The following TENT4B variants were observed in gnomAD, a reference collection of about 807,000 sequenced individuals.
TENT4B encodes PAP associated domain containing 5.
In TENT4B, 10 loss-of-function variants were observed where a neutral mutation model predicts 75.0. The observed-to-expected ratio is 0.13, with a 90% CI of 0.08 to 0.23. TENT4B has a LOEUF of 0.23. Ranked by LOEUF, TENT4B falls within the 10% of genes least tolerant of loss-of-function variation. The probability of loss-of-function intolerance (pLI) is 1.00; values close to 1 mark genes in which losing one functional copy is unlikely to be tolerated. For synonymous variants in TENT4B, 350 were observed against 357.7 expected, an observed-to-expected ratio of 0.98 and a Z score of 0.24; for missense variants, 579 against 893.8, an observed-to-expected ratio of 0.65 and a Z score of 4.49.
At chr16:50,170,637 A>G (rs2038188760) in intron 1 of TENT4B, among the ~76,000 whole-genome samples, 1 of 151,824 alleles carries the variant, frequency 6.6e-6, no homozygotes. Context: ...TCAGTAGACA[A>G]AGCTATCTCT....
intron 1 of TENT4B, among the ~76,000 whole-genome samples, chr16:50,181,245 T>G (rs1416904492): frequency 6.6e-6 from 1 of 152,166 alleles, no homozygotes; most frequent in Non-Finnish European, 1.5e-5. Flanking sequence ...GAGGTGTGTT[T>G]GTGGATTTAA....
intron 1 of TENT4B, among the ~76,000 whole-genome samples, chr16:50,157,964 T>C (rs368366997): frequency 6.6e-6 from 1 of 151,244 alleles, no homozygotes; most frequent in East Asian, 1.9e-4. Context: ...TGGGGTCTTG[T>C]CATGTTGCCC....
chr16:50,190,209 T>C (rs1278790656), intron 1 of TENT4B, among the ~76,000 whole-genome samples: 1 of 152,062 alleles, frequency 6.6e-6, no homozygotes, highest in Non-Finnish European at 1.5e-5. Flanking sequence ...TAATACTTAG[T>C]TCTTCAGCGA....
In TENT4B at chr16:50,235,301, A is replaced by G. The variant is rs1317390838; in HGVS notation, c.*5973A>G. 1.3e-5 allele frequency: 2 copies of G among 153,266 alleles called. No individual in the cohort carries two copies. The highest frequency in any genetic ancestry group is 4.8e-5 in the African/African-American group (2 of 41,452). 9.5% of individuals were successfully genotyped at this position (153,266 alleles called of 1,614,324 possible). On this transcript the variant is annotated 3_prime_UTR_variant, in exon 12 of 12. Coordinates refer to ENST00000561678, the MANE Select transcript of TENT4B (RefSeq NM_001365324.3). The stretch of plus-strand genomic sequence containing the variant: ...CAATAAAGGCTTTGTGTTTTCATTT[A>G]TCTTCAAAACCACTGGTATGAGCCC...
chr16:50,157,585 A>T (rs2037925150), intron 1 of TENT4B, among the ~76,000 whole-genome samples: 1 of 152,014 alleles, frequency 6.6e-6, no homozygotes, highest in Admixed American at 6.6e-5. Context: ...TTTGTGTTTT[A>T]TTATTTTTAA....
At position 50,230,192 on chromosome 16, in the gene TENT4B, T is replaced by A; in HGVS notation, c.*864T>A. 1 of 985,138 alleles carries A rather than the reference T, an allele frequency of 1.0e-6. No individual in the cohort carries two copies. Among genetic ancestry groups the A allele is most frequent in the Non-Finnish European group, 1.2e-6 (1 of 829,880 alleles). The allele number at this position is 985,138 out of a possible 1,614,324, so 61.0% of individuals were successfully genotyped here. On this transcript the variant is annotated 3_prime_UTR_variant, in exon 12 of 12. Coordinates refer to ENST00000561678, the MANE Select transcript of TENT4B (RefSeq NM_001365324.3). ...TCTCTGGTCATCTCCGAGAATTAACTTGCAACTGTTTTCTATAGTGCTGTC... is the reference window on the plus strand; with the variant it reads ...TCTCTGGTCATCTCCGAGAATTAACATGCAACTGTTTTCTATAGTGCTGTC...
Position 50,232,064 on chromosome 16 carries a change from C to T in TENT4B, c.*2736C>T. On this transcript the variant is annotated 3_prime_UTR_variant, in exon 12 of 12. Coordinates refer to ENST00000561678, the MANE Select transcript of TENT4B (RefSeq NM_001365324.3). ...TTCTCAGGCAGTCATGTATGTGTACCTGGCCATTAGAAATATTAATATTTA... is the reference window on the plus strand; with the variant it reads ...TTCTCAGGCAGTCATGTATGTGTACTTGGCCATTAGAAATATTAATATTTA... The T allele has an allele frequency of 8.1e-6, 8 of 985,344 alleles. No individual in the cohort carries two copies. The highest frequency in any genetic ancestry group is 8.4e-6 in the Non-Finnish European group (7 of 829,900). 61.0% of individuals were successfully genotyped at this position (985,344 alleles called of 1,614,324 possible). A position where few individuals can be genotyped will look rare whatever the true frequency, so the allele number is the denominator to read the frequency against.
At chr16:50,202,478 G>A (rs2030711578) in intron 1 of TENT4B, among the ~76,000 whole-genome samples, 1 of 152,198 alleles carries the variant, frequency 6.6e-6, no homozygotes, top group African/African-American at 2.4e-5. Context: ...GCTAAGGAAA[G>A]ATTAAACTTT....
At chr16:50,163,824 T>A (rs2038046876) in intron 1 of TENT4B, among the ~76,000 whole-genome samples, 1 of 152,186 alleles carries the variant, frequency 6.6e-6, no homozygotes, top group Non-Finnish European at 1.5e-5. Context: ...ATTTTAATGT[T>A]TTTAAAGAGT....
chr16:50,184,524 G>C, intron 1 of TENT4B, among the ~76,000 whole-genome samples: 1 of 152,148 alleles, frequency 6.6e-6, no homozygotes, highest in East Asian at 1.9e-4. Flanking sequence ...AAAATTAGCC[G>C]GGCGTGGTGG....
intron 1 of TENT4B, among the ~76,000 whole-genome samples, chr16:50,199,652 C>T (rs574735816): frequency 1.1e-4 from 16 of 152,200 alleles, no homozygotes; most frequent in African/African-American, 2.9e-4. Context: ...GCTTCTTTTA[C>T]GTAGTAATAT....
chr16:50,154,628 T>C (rs1430372963), intron 1 of TENT4B, among the ~76,000 whole-genome samples: 2 of 151,686 alleles, frequency 1.3e-5, no homozygotes, highest in Non-Finnish European at 2.9e-5. Flanking sequence ...CACACCTTTT[T>C]CCCCATCATC....
At chr16:50,215,468 T>G (rs2031501889) in intron 3 of TENT4B, among the ~76,000 whole-genome samples, 1 of 152,206 alleles carries the variant, frequency 6.6e-6, no homozygotes, top group Non-Finnish European at 1.5e-5. Flanking sequence ...AAAAATTTAA[T>G]TAAATTTTAT....
At chr16:50,174,325 T>C (rs1251054687) in intron 1 of TENT4B, among the ~76,000 whole-genome samples, 1 of 152,200 alleles carries the variant, frequency 6.6e-6, no homozygotes, top group Non-Finnish European at 1.5e-5. Flanking sequence ...CTTGGACTCC[T>C]GGTCTTCAGT....
At chr16:50,215,727 T>G (rs1017180389) in intron 3 of TENT4B, among the ~76,000 whole-genome samples, 1 of 152,230 alleles carries the variant, frequency 6.6e-6, no homozygotes, top group Admixed American at 6.5e-5. Flanking sequence ...TGAGTTGCAA[T>G]TAATCTCATC....
At chr16:50,163,816 T>C (rs991890374) in intron 1 of TENT4B, among the ~76,000 whole-genome samples, 3 of 152,174 alleles carry the variant, frequency 2.0e-5, no homozygotes, top group African/African-American at 7.2e-5. Flanking sequence ...TGGGAATAAT[T>C]TTAATGTTTT....
chr16:50,220,284 G>A (rs1241186095), intron 5 of TENT4B, among the ~76,000 whole-genome samples: 1 of 151,510 alleles, frequency 6.6e-6, no homozygotes, highest in African/African-American at 2.4e-5. Context: ...CACTGAGCCC[G>A]GCCACTTTTT....
At position 50,231,884 on chromosome 16, in the gene TENT4B, T is replaced by A. The variant is rs2032306908; in HGVS notation, c.*2556T>A. ...TTCATCTATTTGACTCCTATCTTAT[T>A]TCTTTTTTGAGTTTTAATACTTCCT... On this transcript the variant is annotated 3_prime_UTR_variant, in exon 12 of 12. Coordinates refer to ENST00000561678, the MANE Select transcript of TENT4B (RefSeq NM_001365324.3). 1 of 981,798 alleles carries A rather than the reference T, an allele frequency of 1.0e-6. No individual in the cohort carries two copies. Among genetic ancestry groups the A allele is most frequent in the Admixed American group, 6.1e-5 (1 of 16,264 alleles). The allele number at this position is 981,798 out of a possible 1,614,324, so 60.8% of individuals were successfully genotyped here. A position where few individuals can be genotyped will look rare whatever the true frequency, so the allele number is the denominator to read the frequency against.
intron 5 of TENT4B, among the ~76,000 whole-genome samples, chr16:50,221,690 A>G (rs1320778970): frequency 6.6e-6 from 1 of 151,980 alleles, no homozygotes; most frequent in African/African-American, 2.4e-5. Context: ...CTGTTTACAA[A>G]TGAATATTAG....
Sources: allele counts gnomAD v4.1 joint callset (sites outside exome capture counted in the v4.1 genomes callset), GRCh38; gene constraint gnomAD v4.1.1; transcripts MANE v1.5; gene names NCBI Gene and HGNC (gene_info 2026-07-23, HGNC 2026-07-21).